TOPAZ1: variants seen among roughly 807,000 people sequenced by gnomAD.
TOPAZ1 encodes the protein testis and ovary specific TOPAZ 1.
TOPAZ1 carries 66 observed loss-of-function variants against 172.2 expected under a neutral mutation model. The observed-to-expected ratio is 0.38, with a 90% CI of 0.31 to 0.47. TOPAZ1 has a LOEUF of 0.47. TOPAZ1 is among the 20% of genes least tolerant of loss of function. The probability of loss-of-function intolerance (pLI) is 0.99; values close to 1 mark genes in which losing one functional copy is unlikely to be tolerated. For missense variants in TOPAZ1, 1,822 were observed against 1,972.4 expected (o/e 0.92, Z 1.44); for synonymous variants, 681 against 683.9 (o/e 1.00, Z 0.07).
chr3:44,241,898 G>A lies in TOPAZ1; in HGVS notation c.-156G>A. 1 of 707,702 alleles carries A rather than the reference G, an allele frequency of 1.4e-6. No homozygotes were observed. The highest frequency in any genetic ancestry group is 2.2e-6 in the Non-Finnish European group (1 of 448,050). The allele number at this position is 707,702 out of a possible 1,614,324, so 43.8% of individuals were successfully genotyped here. ...GACACGAGGCCCCACTTCCGCTTAC[G>A]CGCCCCACTTCCGCTTCCGGCCCCG... On this transcript the variant is annotated 5_prime_UTR_variant, in exon 1 of 20. Transcript: ENST00000309765.
chr3:44,310,052 T>C, intron 16 of TOPAZ1, 62 bp downstream of exon 16: 1 of 1,408,522 alleles, frequency 7.1e-7, no homozygotes, highest in Non-Finnish European at 9.6e-7. Context: ...TTTTTGTCTA[T>C]GTAATTACCT....
chr3:44,295,000 T>C (rs1700178127), intron 12 of TOPAZ1, among the ~76,000 whole-genome samples: 1 of 152,240 alleles, frequency 6.6e-6, no homozygotes, highest in Non-Finnish European at 1.5e-5. Flanking sequence ...TATTGAAATG[T>C]TGGAGCTTAA....
At chr3:44,274,863 T>TA (rs1379962326) in intron 8 of TOPAZ1, among the ~76,000 whole-genome samples, 1 of 152,044 alleles carries the variant, frequency 6.6e-6, no homozygotes, top group African/African-American at 2.4e-5. Flanking sequence ...TTAATTCTTT[T>TA]AAGTGAGAGA....
At chr3:44,320,651 A>C (rs1379504993) in intron 16 of TOPAZ1, among the ~76,000 whole-genome samples, 2 of 152,342 alleles carry the variant, frequency 1.3e-5, no homozygotes, top group East Asian at 3.9e-4. Flanking sequence ...ACCAAAAACT[A>C]ATTAAATTAT....
intron 2 of TOPAZ1, among the ~76,000 whole-genome samples, chr3:44,253,059 G>C (rs371613709): frequency 6.6e-6 from 1 of 152,142 alleles, no homozygotes; most frequent in East Asian, 1.9e-4. Context: ...CTCATGGCTT[G>C]GTGTTCAAAT....
chr3:44,291,387 G>A (rs1186919829), intron 12 of TOPAZ1, among the ~76,000 whole-genome samples: 3 of 150,174 alleles, frequency 2.0e-5, no homozygotes, highest in Non-Finnish European at 3.0e-5. Context: ...CGGATCACAA[G>A]GTCAGGAGTT....
chr3:44,253,039 A>C (rs557160796), intron 2 of TOPAZ1, among the ~76,000 whole-genome samples: 1 of 152,338 alleles, frequency 6.6e-6, no homozygotes, highest in East Asian at 1.9e-4. Context: ...TTGAGACACC[A>C]AAATAATGTC....
At chr3:44,325,218 A>G (rs1219664490) in intron 18 of TOPAZ1, among the ~76,000 whole-genome samples, 1 of 152,206 alleles carries the variant, frequency 6.6e-6, no homozygotes, top group Non-Finnish European at 1.5e-5. Context: ...TCAATGGTAT[A>G]TAATCGTGTC....
In TOPAZ1 at chr3:44,305,287, A is replaced by G. The variant is rs963921810; in HGVS notation, c.4005A>G (p.Arg1335=). ...ETLTKNYEDE[R]PDIPFCEFAE... Reference sequence around the variant, plus strand: ...TCACAAAAAACTATGAAGATGAAAGACCAGATATTCCCTTTTGTGAATTTG... The same window carrying G: ...TCACAAAAAACTATGAAGATGAAAGGCCAGATATTCCCTTTTGTGAATTTG... The change falls in exon 14 of 20, where the codon AGA becomes AGG. Residue 1335 remains arginine, a synonymous_variant. Transcript: ENST00000309765. 26 of 1,543,132 alleles carry G rather than the reference A, an allele frequency of 1.7e-5. No homozygotes were observed. The highest frequency in any genetic ancestry group is 2.1e-5 in the Non-Finnish European group (24 of 1,144,976).
At chr3:44,253,609 T>A (rs1699661253) in intron 2 of TOPAZ1, among the ~76,000 whole-genome samples, 1 of 152,130 alleles carries the variant, frequency 6.6e-6, no homozygotes, top group South Asian at 2.1e-4. Flanking sequence ...TTTGAGATAC[T>A]GAGATGGAAA....
chr3:44,276,646 T>TTTTTTTTTTTTG (rs1699962383), intron 8 of TOPAZ1, among the ~76,000 whole-genome samples: 1 of 117,120 alleles, frequency 8.5e-6, no homozygotes, highest in Non-Finnish European at 1.8e-5. Context: ...TTTTTTTTTT[T>TTTTTTTTTTTTG]TTTTTTTCCA....
Position 44,256,804 on chromosome 3 carries a change from T to C in TOPAZ1, c.2955+526T>C, listed in dbSNP as rs571236011. On this transcript the variant is annotated intron_variant, in intron 4 of 19. Coordinates refer to ENST00000309765, the MANE Select transcript of TOPAZ1 (RefSeq NM_001145030.2). Reference sequence around the variant, plus strand: ...CTCTTAAGATATCTGGCCCCCAAATTTGGGAATTAACAAACTTGTTTTCGT... The same window carrying C: ...CTCTTAAGATATCTGGCCCCCAAATCTGGGAATTAACAAACTTGTTTTCGT... 2.6e-4 allele frequency among the ~76,000 whole-genome samples: 40 copies of C among 152,244 alleles called. 2 individuals are homozygous for C. In the South Asian group the frequency reaches 8.3e-3, roughly 32 times the overall value.
Position 44,256,149 on chromosome 3 carries a change from A to G in TOPAZ1, c.2828-2A>G, listed in dbSNP as rs1182500413. 6.7e-7 allele frequency: 1 copy of G among 1,499,602 alleles called. No individual in the cohort carries two copies. Among genetic ancestry groups the G allele is most frequent in the Non-Finnish European group, 8.9e-7 (1 of 1,129,426 alleles). The allele number at this position is 1,499,602 out of a possible 1,614,324, so 92.9% of individuals were successfully genotyped here. On this transcript the variant is annotated splice_acceptor_variant, in intron 3 of 19. Transcript: ENST00000309765. LOFTEE classifies it high-confidence loss of function. ...CTATAGTTGAATATTATTTCTTTTC[A>G]GAAAGTGAAATAAAACGTGATCCCA...
chr3:44,287,352 C>A, intron 9 of TOPAZ1, 37 bp from the exon 10 acceptor site: 2 of 1,178,878 alleles, frequency 1.7e-6, no homozygotes, highest in Non-Finnish European at 2.2e-6. Context: ...ATATCTGAAG[C>A]AGCAAATGAC....
chr3:44,333,170 C>T (rs1700689698), downstream of TOPAZ1, among the ~76,000 whole-genome samples: 1 of 151,956 alleles, frequency 6.6e-6, no homozygotes, highest in Admixed American at 6.6e-5. Context: ...TGGTAAATAG[C>T]AGCATCATTG....
intron 2 of TOPAZ1, among the ~76,000 whole-genome samples, chr3:44,245,537 T>C (rs1699554390): frequency 2.0e-5 from 1 of 50,762 alleles, no homozygotes; most frequent in South Asian, 1.3e-3. Context: ...TGGCTTTTTT[T>C]TTTTTTTTTT....
At chr3:44,321,788 T>C (rs1700508232) in intron 17 of TOPAZ1, among the ~76,000 whole-genome samples, 1 of 152,238 alleles carries the variant, frequency 6.6e-6, no homozygotes, top group Non-Finnish European at 1.5e-5. Flanking sequence ...ACTGTGCTCC[T>C]GTATTGTAAT....
At chr3:44,287,332 A>C in intron 9 of TOPAZ1, 57 bp from the exon 10 acceptor site, 1 of 994,730 alleles carries the variant, frequency 1.0e-6, no homozygotes, top group Non-Finnish European at 1.3e-6. Flanking sequence ...ATCAAATTTA[A>C]GAAATACAGA....
chr3:44,242,348 G>A lies in TOPAZ1; in HGVS notation c.295G>A (p.Gly99Ser), dbSNP rs1355908211. The A allele has an allele frequency of 6.4e-7, 1 of 1,552,342 alleles. No individual in the cohort carries two copies. Among genetic ancestry groups the A allele is most frequent in the South Asian group, 1.2e-5 (1 of 84,062 alleles). ...CCCGTCAGACTCGTCAGACCCGCGA[G>A]GCCTAGAAGCAGCAAAGGAGGCTGA... ...VSPSDSSDPRGLEAAKEAELP... is the reference protein window; with the variant it reads ...VSPSDSSDPRSLEAAKEAELP... The change falls in exon 1 of 20, where the codon GGC becomes AGC. Residue 99 changes from glycine to serine, a missense_variant. Coordinates refer to ENST00000309765, the MANE Select transcript of TOPAZ1 (RefSeq NM_001145030.2).
Sources: allele counts gnomAD v4.1 joint callset (sites outside exome capture counted in the v4.1 genomes callset), GRCh38; gene constraint gnomAD v4.1.1; transcripts MANE v1.5; gene names NCBI Gene and HGNC (gene_info 2026-07-23, HGNC 2026-07-21).